Variants in ANKS1B observed in about 807,000 individuals in gnomAD.
ANKS1B encodes ankyrin repeat and sterile alpha motif domain containing 1B.
ANKS1B carries 36 observed loss-of-function variants against 148.3 expected under a neutral mutation model. The ratio of observed to expected loss-of-function variants is 0.24; its 90% CI spans 0.19 to 0.32. ANKS1B has a LOEUF of 0.32. ANKS1B is among the 10% of genes least tolerant of loss of function. The pLI is 1.00. For missense variants in ANKS1B, 1,157 were observed against 1,542.6 expected, an observed-to-expected ratio of 0.75 and a Z score of 4.19; for synonymous variants, 542 against 560.8, an observed-to-expected ratio of 0.97 and a Z score of 0.47.
intron 22 of ANKS1B, among the ~76,000 whole-genome samples, chr12:98,797,764 A>C (rs151241318): frequency 1.9e-4 from 29 of 152,316 alleles, no homozygotes; most frequent in African/African-American, 6.0e-4. Flanking sequence ...TGGATATTTC[A>C]TGTTTACCTT....
At chr12:99,262,055 CT>C (rs1433512285) in intron 12 of ANKS1B, among the ~76,000 whole-genome samples, 1 of 152,030 alleles carries the variant, frequency 6.6e-6, no homozygotes, top group Non-Finnish European at 1.5e-5. Context: ...TTTTTTCTGC[CT>C]GGGATTTTCT....
At chr12:99,494,766 AAT>A (rs1356370247) in intron 10 of ANKS1B, among the ~76,000 whole-genome samples, 2 of 150,572 alleles carry the variant, frequency 1.3e-5, no homozygotes, top group African/African-American at 4.9e-5. Flanking sequence ...GGACAATTAA[AAT>A]TATAGAGGAG....
At chr12:99,603,212 T>A (rs2153301427) in intron 9 of ANKS1B, among the ~76,000 whole-genome samples, 1 of 152,160 alleles carries the variant, frequency 6.6e-6, no homozygotes, top group African/African-American at 2.4e-5. Context: ...CTTTTTAAGT[T>A]TGTTTTGCTG....
At chr12:99,879,160 C>A (rs2092326006) in intron 1 of ANKS1B, among the ~76,000 whole-genome samples, 1 of 152,146 alleles carries the variant, frequency 6.6e-6, no homozygotes, top group South Asian at 2.1e-4. Flanking sequence ...GGGAAGCCCA[C>A]ATGTCAGTAT....
intron 13 of ANKS1B, among the ~76,000 whole-genome samples, chr12:99,245,385 TG>T (rs2090082478): frequency 1.3e-5 from 2 of 152,316 alleles, no homozygotes; most frequent in African/African-American, 4.8e-5. Flanking sequence ...GAAGATATGA[TG>T]GTCTAAGCTA....
intron 11 of ANKS1B, among the ~76,000 whole-genome samples, chr12:99,417,806 C>T (rs536895138): frequency 1.4e-4 from 21 of 151,700 alleles, no homozygotes; most frequent in South Asian, 1.0e-3. Context: ...AAATTAAAGA[C>T]GAAGAAAAAA....
At chr12:98,948,773 C>A (rs932514952) in intron 17 of ANKS1B, among the ~76,000 whole-genome samples, 2 of 147,850 alleles carry the variant, frequency 1.4e-5, no homozygotes, top group Admixed American at 6.7e-5. Context: ...CCACACCCCC[C>A]CCCACACACA....
At chr12:99,527,426 T>C (rs2096937710) in intron 9 of ANKS1B, among the ~76,000 whole-genome samples, 1 of 152,178 alleles carries the variant, frequency 6.6e-6, no homozygotes, top group Non-Finnish European at 1.5e-5. Context: ...ACAGGCAATA[T>C]AGTACAATAT....
chr12:98,808,343 C>A (rs2099066914), intron 19 of ANKS1B, among the ~76,000 whole-genome samples: 1 of 152,180 alleles, frequency 6.6e-6, no homozygotes, highest in South Asian at 2.1e-4. Flanking sequence ...TGACCAAGAG[C>A]AAACAGTGCA....
At chr12:99,373,734 A>G (rs2093261100) in intron 12 of ANKS1B, among the ~76,000 whole-genome samples, 1 of 151,846 alleles carries the variant, frequency 6.6e-6, no homozygotes, top group South Asian at 2.1e-4. Context: ...ATGCAATCTT[A>G]CAAGCTTAAC....
intron 11 of ANKS1B, among the ~76,000 whole-genome samples, chr12:99,403,766 A>G (rs762769451): frequency 3.4e-5 from 5 of 145,842 alleles, no homozygotes; most frequent in Admixed American, 6.8e-5. Flanking sequence ...AATTTTGAGG[A>G]TATTTCTGTT....
intron 8 of ANKS1B, among the ~76,000 whole-genome samples, chr12:99,765,580 A>G (rs1157406097): frequency 6.6e-6 from 1 of 152,204 alleles, no homozygotes; most frequent in African/African-American, 2.4e-5. Context: ...TTTTTCATAT[A>G]AGTTCAATTA....
chr12:98,959,080 C>A (rs971831130), intron 17 of ANKS1B, among the ~76,000 whole-genome samples: 1 of 152,078 alleles, frequency 6.6e-6, no homozygotes, highest in Admixed American at 6.5e-5. Flanking sequence ...TGATTCTGAA[C>A]CTTTAAATTG....
At chr12:98,800,347 T>C (rs1180151473) in intron 21 of ANKS1B, among the ~76,000 whole-genome samples, 1 of 152,104 alleles carries the variant, frequency 6.6e-6, no homozygotes, top group Non-Finnish European at 1.5e-5. Context: ...GTTTGCCTGA[T>C]TGAAATGTTT....
chr12:99,322,636 GA>G (rs2085513266), intron 12 of ANKS1B, among the ~76,000 whole-genome samples: 1 of 152,122 alleles, frequency 6.6e-6, no homozygotes, highest in African/African-American at 2.4e-5. Flanking sequence ...CATGCTATGA[GA>G]ACCCTATGAT....
At chr12:99,154,666 C>A in intron 14 of ANKS1B, 2 of 1,438,712 alleles carry the variant, frequency 1.4e-6, no homozygotes, top group Non-Finnish European at 9.1e-7. Flanking sequence ...GTACGTCATA[C>A]AGCCCCCAAA....
At chr12:99,144,342 C>T (rs981295013) in intron 15 of ANKS1B, among the ~76,000 whole-genome samples, 5 of 151,814 alleles carry the variant, frequency 3.3e-5, no homozygotes, top group African/African-American at 1.2e-4. Context: ...GTTGCCAGTT[C>T]TCATATTAAA....
chr12:99,135,877 C>T (rs1246354214), intron 15 of ANKS1B, among the ~76,000 whole-genome samples: 1 of 152,098 alleles, frequency 6.6e-6, no homozygotes, highest in East Asian at 1.9e-4. Flanking sequence ...TCTCAGAGAA[C>T]AGGTCCAGCT....
At chr12:99,317,142 G>C (rs1354051170) in intron 12 of ANKS1B, among the ~76,000 whole-genome samples, 1 of 152,126 alleles carries the variant, frequency 6.6e-6, no homozygotes, top group Non-Finnish European at 1.5e-5. Context: ...GATTGTCTTG[G>C]CAATGTGGGC....
Sources: allele counts gnomAD v4.1 joint callset (sites outside exome capture counted in the v4.1 genomes callset), GRCh38; gene constraint gnomAD v4.1.1; transcripts MANE v1.5; gene names NCBI Gene and HGNC (gene_info 2026-07-23, HGNC 2026-07-21).